The following CSRNP3 variants were observed in gnomAD, a reference collection of about 807,000 sequenced individuals.
The protein encoded by CSRNP3 is cysteine/serine-rich nuclear protein 3.
Under a neutral mutation model 48.0 loss-of-function variants are expected in CSRNP3, and 12 were observed. The ratio of observed to expected loss-of-function variants is 0.25; its 90% CI spans 0.16 to 0.41. CSRNP3 has a LOEUF of 0.41. Ranked by LOEUF, CSRNP3 falls within the 10% of genes least tolerant of loss-of-function variation. The pLI, the probability that CSRNP3 is intolerant of heterozygous loss-of-function variation, is 1.00. For missense variants in CSRNP3, 580 were observed against 724.4 expected (o/e 0.80, Z 2.29); for synonymous variants, 263 against 269.7 (o/e 0.98, Z 0.24).
At chr2:165,543,911 T>C (rs1161853223) in intron 3 of CSRNP3, among the ~76,000 whole-genome samples, 1 of 151,834 alleles carries the variant, frequency 6.6e-6, no homozygotes, top group African/African-American at 2.4e-5. Flanking sequence ...AAAAAAGAGA[T>C]CAAGACACTT....
intron 5 of CSRNP3, among the ~76,000 whole-genome samples, chr2:165,659,176 C>T (rs889365961): frequency 6.6e-6 from 1 of 152,006 alleles, no homozygotes; most frequent in East Asian, 1.9e-4. Flanking sequence ...GGTGTTGAGA[C>T]GGGATGGAAT....
intron 3 of CSRNP3, among the ~76,000 whole-genome samples, chr2:165,535,831 A>G (rs1322998062): frequency 6.6e-6 from 1 of 151,862 alleles, no homozygotes; most frequent in South Asian, 2.1e-4. Context: ...CTGATGTTAT[A>G]AAATCCACAT....
intron 4 of CSRNP3, among the ~76,000 whole-genome samples, chr2:165,637,824 A>G (rs1366813399): frequency 1.3e-5 from 2 of 152,198 alleles, no homozygotes; most frequent in African/African-American, 2.4e-5. Flanking sequence ...AAAAGTTGGA[A>G]AGTTCAAAAC....
At chr2:165,472,799 A>G (rs1024965699) in intron 1 of CSRNP3, among the ~76,000 whole-genome samples, 13 of 152,132 alleles carry the variant, frequency 8.5e-5, no homozygotes, top group Non-Finnish European at 2.9e-5. Flanking sequence ...CAATGTTAGC[A>G]ATGTAGCAAA....
At chr2:165,605,699 A>T (rs943599739) in intron 4 of CSRNP3, among the ~76,000 whole-genome samples, 8 of 152,160 alleles carry the variant, frequency 5.3e-5, no homozygotes, top group Admixed American at 3.3e-4. Flanking sequence ...ATAAAAATTT[A>T]AAAAATTTAT....
intron 1 of CSRNP3, among the ~76,000 whole-genome samples, chr2:165,477,848 G>A (rs192802111): frequency 1.3e-5 from 2 of 151,982 alleles, no homozygotes; most frequent in Admixed American, 6.6e-5. Context: ...GTGCTGGTGA[G>A]TGCCTTCAGT....
At chr2:165,608,926 TAAAAATACAAAAA>T (rs1686078967) in intron 4 of CSRNP3, among the ~76,000 whole-genome samples, 1 of 34,164 alleles carries the variant, frequency 2.9e-5, no homozygotes, top group African/African-American at 1.3e-4. Flanking sequence ...CCGTCTCTAC[TAAAAATACAAAAA>T]AAAAAAAAAA....
intron 3 of CSRNP3, among the ~76,000 whole-genome samples, chr2:165,591,577 C>G (rs897576341): frequency 6.6e-6 from 1 of 152,166 alleles, no homozygotes; most frequent in African/African-American, 2.4e-5. Flanking sequence ...GGCCCAGGGA[C>G]CCCCTGTTCT....
intron 3 of CSRNP3, among the ~76,000 whole-genome samples, chr2:165,533,741 C>T (rs539653981): frequency 2.6e-5 from 4 of 152,066 alleles, no homozygotes; most frequent in African/African-American, 9.6e-5. Flanking sequence ...TCAATATAAA[C>T]CTTAGCAGCA....
At chr2:165,635,079 A>G (rs1382076797) in intron 4 of CSRNP3, among the ~76,000 whole-genome samples, 3 of 152,134 alleles carry the variant, frequency 2.0e-5, no homozygotes, top group Non-Finnish European at 4.4e-5. Context: ...TTCTCAGCTG[A>G]GGGAGCTGAT....
intron 4 of CSRNP3, among the ~76,000 whole-genome samples, chr2:165,617,378 G>T (rs1028392407): frequency 2.6e-5 from 4 of 152,168 alleles, no homozygotes; most frequent in African/African-American, 9.7e-5. Context: ...TTTTGGTTTT[G>T]GGTGGGCATT....
chr2:165,585,572 C>T (rs1685614222), intron 3 of CSRNP3, among the ~76,000 whole-genome samples: 1 of 152,132 alleles, frequency 6.6e-6, no homozygotes, highest in South Asian at 2.1e-4. Flanking sequence ...GGCCCTCAGC[C>T]CATTGCTGAT....
intron 3 of CSRNP3, among the ~76,000 whole-genome samples, chr2:165,578,845 G>A (rs981650279): frequency 2.6e-5 from 4 of 152,110 alleles, no homozygotes. Context: ...AAGAACTTAA[G>A]TTCAAGTCCC....
rs139715825 is a variant in CSRNP3, at chr2:165,682,791, A to G, written c.*3038A>G. 6.6e-6 allele frequency: 1 copy of G among 152,252 alleles called. No homozygotes were observed. Among genetic ancestry groups the G allele is most frequent in the Admixed American group, 6.5e-5 (1 of 15,270 alleles). 9.4% of individuals were successfully genotyped at this position (152,252 alleles called of 1,614,324 possible). On this transcript the variant is annotated 3_prime_UTR_variant, in exon 7 of 7. Transcript: ENST00000651982. The stretch of plus-strand genomic sequence containing the variant: ...AGTGCTACAGTCCTTCTAAGCTTTT[A>G]AAAATGGGGATCAAGCTACATGCAG...
intron 3 of CSRNP3, among the ~76,000 whole-genome samples, chr2:165,577,113 T>A (rs1213835165): frequency 6.6e-6 from 1 of 151,752 alleles, no homozygotes; most frequent in Non-Finnish European, 1.5e-5. Context: ...ATTGCTATAT[T>A]TGTTCTCCTG....
rs1687554053 is a variant in CSRNP3, at chr2:165,681,866, G to C, written c.*2113G>C. ...ATCCCATGTTGTCTGCAAAGTGACA[G>C]TTTTTAGTGCTTAATCTCCAAAATT... On this transcript the variant is annotated 3_prime_UTR_variant, in exon 7 of 7. Coordinates refer to ENST00000651982, the MANE Select transcript of CSRNP3 (RefSeq NM_001172173.2). 2 of 148,972 alleles carry C rather than the reference G, an allele frequency of 1.3e-5. No individual in the cohort carries two copies. The highest frequency in any genetic ancestry group is 4.2e-4 in the South Asian group (2 of 4,710). 9.2% of individuals were successfully genotyped at this position (148,972 alleles called of 1,614,324 possible). A position where few individuals can be genotyped will look rare whatever the true frequency, so the allele number is the denominator to read the frequency against.
At chr2:165,568,792 T>C (rs1685331589) in intron 3 of CSRNP3, among the ~76,000 whole-genome samples, 1 of 152,088 alleles carries the variant, frequency 6.6e-6, no homozygotes, top group African/African-American at 2.4e-5. Context: ...ATTTAAAATA[T>C]CTTATTATTA....
intron 5 of CSRNP3, among the ~76,000 whole-genome samples, chr2:165,663,921 A>C (rs967280573): frequency 2.0e-5 from 3 of 152,158 alleles, no homozygotes; most frequent in Non-Finnish European, 4.4e-5. Flanking sequence ...GCTACCACTG[A>C]AAGAAGCGAT....
chr2:165,627,929 G>T (rs940150807), intron 4 of CSRNP3, among the ~76,000 whole-genome samples: 2 of 152,136 alleles, frequency 1.3e-5, no homozygotes, highest in Non-Finnish European at 2.9e-5. Context: ...CAGTAGACTC[G>T]TTTTCTCTCC....
Sources: allele counts gnomAD v4.1 joint callset (sites outside exome capture counted in the v4.1 genomes callset), GRCh38; gene constraint gnomAD v4.1.1; transcripts MANE v1.5; gene names NCBI Gene and HGNC (gene_info 2026-07-23, HGNC 2026-07-21).